The following JPH1 variants were observed in gnomAD, a reference collection of about 807,000 sequenced individuals.
JPH1 encodes junctophilin-1.
Under a neutral mutation model 53.6 loss-of-function variants are expected in JPH1, and 12 were observed. That is an observed-to-expected ratio of 0.22 (90% CI 0.14 to 0.36). The LOEUF is 0.36. Ranked by LOEUF, JPH1 falls within the 10% of genes least tolerant of loss-of-function variation. The pLI, the probability that JPH1 is intolerant of heterozygous loss-of-function variation, is 1.00. For missense variants in JPH1, 808 were observed against 905.5 expected (o/e 0.89, Z 1.38); for synonymous variants, 375 against 363.8 (o/e 1.03, Z -0.35).
intron 3 of JPH1, among the ~76,000 whole-genome samples, chr8:74,256,909 C>G (rs926518404): frequency 6.6e-6 from 1 of 152,172 alleles, no homozygotes; most frequent in African/African-American, 2.4e-5. Flanking sequence ...CCAGGGTTAA[C>G]AACTTCTATG....
intron 2 of JPH1, among the ~76,000 whole-genome samples, chr8:74,308,791 A>G (rs1474367409): frequency 6.6e-6 from 1 of 152,214 alleles, no homozygotes; most frequent in Non-Finnish European, 1.5e-5. Context: ...CAGAGTGAGG[A>G]CCCAGCAGCC....
chr8:74,286,891 A>C (rs1807179145), intron 2 of JPH1, among the ~76,000 whole-genome samples: 1 of 152,238 alleles, frequency 6.6e-6, no homozygotes, highest in African/African-American at 2.4e-5. Flanking sequence ...AAACTGAATT[A>C]AGCTTATAAA....
At position 74,320,783 on chromosome 8, in the gene JPH1, C is replaced by A. The variant is rs1808294157; in HGVS notation, c.379+126G>T. 2.6e-6 allele frequency: 3 copies of A among 1,174,808 alleles called. No homozygotes were observed. The highest frequency in any genetic ancestry group is 2.2e-6 in the Non-Finnish European group (2 of 891,764). 72.8% of individuals were successfully genotyped at this position (1,174,808 alleles called of 1,614,324 possible). The stretch of plus-strand genomic sequence containing the variant: ...CGGGCGCGGGCGCGGGGGTGGGAGG[C>A]GCCCCCAGGTGTTTTGGCGGGTTTC... On this transcript the variant is annotated intron_variant, in intron 1 of 5. Coordinates refer to ENST00000342232, the MANE Select transcript of JPH1 (RefSeq NM_020647.4). The surrounding 1 kb of genome is among the most constrained non-coding windows in gnomAD (Gnocchi z 4.4).
At chr8:74,271,775 T>C (rs994344583) in intron 2 of JPH1, among the ~76,000 whole-genome samples, 4 of 152,148 alleles carry the variant, frequency 2.6e-5, no homozygotes, top group African/African-American at 9.6e-5. Flanking sequence ...ATATGGAGTC[T>C]TGTGGGCTGA....
chr8:74,254,767 C>G (rs1411402754), intron 3 of JPH1, among the ~76,000 whole-genome samples: 2 of 152,006 alleles, frequency 1.3e-5, no homozygotes, highest in African/African-American at 4.8e-5. Context: ...AACAGAGAGC[C>G]AAATCATGAG....
At chr8:74,285,410 T>G (rs1465088247) in intron 2 of JPH1, among the ~76,000 whole-genome samples, 2 of 152,072 alleles carry the variant, frequency 1.3e-5, no homozygotes, top group Non-Finnish European at 2.9e-5. Context: ...AAGCTCTTTA[T>G]GTAATGATAT....
At chr8:74,263,463 A>G (rs1806449807) in intron 2 of JPH1, among the ~76,000 whole-genome samples, 1 of 152,260 alleles carries the variant, frequency 6.6e-6, no homozygotes, top group Non-Finnish European at 1.5e-5. Flanking sequence ...AAAATTTAAA[A>G]ATAAAAGCAA....
intron 2 of JPH1, among the ~76,000 whole-genome samples, chr8:74,297,593 T>A (rs1807557465): frequency 6.6e-6 from 1 of 152,286 alleles, no homozygotes; most frequent in South Asian, 2.1e-4. Context: ...ACCACTGCAT[T>A]TGGGGCCTGA....
chr8:74,244,836 G>A lies in JPH1; in HGVS notation c.1598C>T (p.Ser533Phe), dbSNP rs373191084. ...GGGGTTGGGGATGTGGTGGCGGCCA[G>A]AGTACTTGGACTGGGGCACAACCGC... Reference protein sequence around the residue: ...AGAVVPQSKYSGRHHIPNPSN... With the variant: ...AGAVVPQSKYFGRHHIPNPSN... The change falls in exon 4 of 6, where the codon TCT (serine) becomes TTT (phenylalanine). Residue 533 changes from serine (S) to phenylalanine (F), a missense_variant. Ser to Phe is a radical substitution (Grantham distance 155, BLOSUM62 -2). Coordinates refer to ENST00000342232, the MANE Select transcript of JPH1 (RefSeq NM_020647.4). 2 of 1,614,064 alleles carry A rather than the reference G, an allele frequency of 1.2e-6. No homozygotes were observed. The highest frequency in any genetic ancestry group is 1.7e-6 in the Non-Finnish European group (2 of 1,180,032).
intron 3 of JPH1, among the ~76,000 whole-genome samples, chr8:74,259,143 C>A (rs1008660639): frequency 2.0e-5 from 3 of 152,198 alleles, no homozygotes; most frequent in African/African-American, 7.2e-5. Flanking sequence ...GGGTTCCCAG[C>A]TCAAGAGATC....
chr8:74,299,475 C>T (rs1371869018), intron 2 of JPH1, among the ~76,000 whole-genome samples: 1 of 152,152 alleles, frequency 6.6e-6, no homozygotes, highest in African/African-American at 2.4e-5. Flanking sequence ...ACGATTCGAG[C>T]CGTGTTCAAA....
chr8:74,289,055 C>T (rs1192276152), intron 2 of JPH1, among the ~76,000 whole-genome samples: 1 of 152,140 alleles, frequency 6.6e-6, no homozygotes, highest in Non-Finnish European at 1.5e-5. Flanking sequence ...GGGGAAGCTG[C>T]AGCATAAACT....
chr8:74,299,373 A>G (rs1449271030), intron 2 of JPH1, among the ~76,000 whole-genome samples: 1 of 152,168 alleles, frequency 6.6e-6, no homozygotes, highest in East Asian at 1.9e-4. Flanking sequence ...GTTTCTCTGC[A>G]CACCACGAAC....
intron 3 of JPH1, among the ~76,000 whole-genome samples, chr8:74,245,580 G>A (rs1006577988): frequency 1.1e-4 from 16 of 152,196 alleles, no homozygotes; most frequent in Non-Finnish European, 1.8e-4. Context: ...ACTGTAAGAG[G>A]AGAACCTGTA....
chr8:74,237,233 A>T lies in JPH1; in HGVS notation c.1976T>A (p.Phe659Tyr), dbSNP rs758563679. Residue 659 changes from phenylalanine to tyrosine, a missense_variant, in exon 5 of 6, where the codon TTT (phenylalanine) becomes TAT (tyrosine). Coordinates refer to ENST00000342232, the MANE Select transcript of JPH1 (RefSeq NM_020647.4). Reference sequence around the variant, plus strand: ...CTTTCCTAATTCCAATCAAGTTAGAAAGTGAACAAAAAGAATGGCCAACCC... The same window carrying T: ...CTTTCCTAATTCCAATCAAGTTAGATAGTGAACAAAAAGAATGGCCAACCC... ...NIGLAILFVHFLT is the reference protein window; with the variant it reads ...NIGLAILFVHYLT 3.2e-5 allele frequency: 52 copies of T among 1,610,524 alleles called. No individual in the cohort carries two copies. Among genetic ancestry groups the T allele is most frequent in the South Asian group, 2.4e-4 (22 of 90,778 alleles).
chr8:74,309,588 T>C (rs993466048), intron 2 of JPH1, among the ~76,000 whole-genome samples: 3 of 152,268 alleles, frequency 2.0e-5, no homozygotes, highest in Admixed American at 6.5e-5. Flanking sequence ...AGATTCTTTC[T>C]TTAAATATTT....
chr8:74,265,946 T>TA (rs375807575), intron 2 of JPH1, among the ~76,000 whole-genome samples: 8,934 of 141,000 alleles, frequency 0.063, 633 homozygotes, highest in African/African-American at 0.17. Context: ...TGGCTACTAT[T>TA]AAAAAAAAAA....
Position 74,314,975 on chromosome 8 carries a change from T to C in JPH1, c.1025A>G (p.Lys342Arg), listed in dbSNP as rs1808100157. 1 of 1,614,110 alleles carries C rather than the reference T, an allele frequency of 6.2e-7. No homozygotes were observed. Among genetic ancestry groups the C allele is most frequent in the African/African-American group, 1.3e-5 (1 of 74,942 alleles). The change falls in exon 2 of 6, where the codon AAG becomes AGG. Residue 342 changes from lysine (K) to arginine (R), a missense_variant. Lys to Arg is a conservative substitution (Grantham distance 26). Around this residue, in one of 2 missense-constraint regions of JPH1, gnomAD observed 756 missense variants for 811.9 expected, o/e 0.93. Coordinates refer to ENST00000342232, the MANE Select transcript of JPH1 (RefSeq NM_020647.4). ...TGTATGTCTTATTGGTATAAGCTGC[T>C]TCCTTATCCCACGGACCAGAATATT... ...KNNILVRGIR[K>R]QLIPIRHTKT...
intron 2 of JPH1, among the ~76,000 whole-genome samples, chr8:74,269,161 T>C (rs980156447): frequency 1.3e-5 from 2 of 152,242 alleles, no homozygotes; most frequent in African/African-American, 2.4e-5. Flanking sequence ...TCTGTCTAGA[T>C]ATGCCCAACT....
Sources: allele counts gnomAD v4.1 joint callset (sites outside exome capture counted in the v4.1 genomes callset), GRCh38; gene constraint gnomAD v4.1.1; regional missense constraint gnomAD v4.1.1; non-coding constraint Gnocchi (gnomAD v3.1); transcripts MANE v1.5; gene names NCBI Gene and HGNC (gene_info 2026-07-23, HGNC 2026-07-21).